COL12A1: variants seen among roughly 807,000 people sequenced by gnomAD.
COL12A1 encodes the protein collagen alpha-1(XII) chain.
Under a neutral mutation model 349.7 loss-of-function variants are expected in COL12A1, and 114 were observed. That is an observed-to-expected ratio of 0.33 (90% CI 0.28 to 0.38). COL12A1 has a LOEUF of 0.38. COL12A1 is among the 10% of genes least tolerant of loss of function. COL12A1 has a pLI of 1.00. For synonymous variants in COL12A1, 1,369 were observed against 1,329.0 expected, an observed-to-expected ratio of 1.03 and a Z score of -0.66; for missense variants, 3,284 against 3,756.9, an observed-to-expected ratio of 0.87 and a Z score of 3.29.
At chr6:75,148,278 T>C (rs1190041477) in intron 22 of COL12A1, 80 bp downstream of exon 22, 14 of 1,420,316 alleles carry the variant, frequency 9.9e-6, no homozygotes, top group Non-Finnish European at 1.1e-5. Context: ...GCCCCTCACC[T>C]AACATTATTC....
In COL12A1 at chr6:75,121,367, T is replaced by C. The variant is rs1417241112; in HGVS notation, c.7021A>G (p.Lys2341Glu). The C allele has an allele frequency of 7.4e-6, 12 of 1,612,138 alleles. No individual in the cohort carries two copies. The highest frequency in any genetic ancestry group is 9.3e-6 in the Non-Finnish European group (11 of 1,178,640). ...GTATTGAAGATGAATTTTACAACTT[T>C]GTTAAAATTATCGTCCCCAATGCTC... ...SWSIGDDNFN[K>E]VVKFIFNTVG... is the part of the protein sequence containing the mutation. Residue 2341 changes from lysine (K) to glutamate (E), a missense_variant, in exon 44 of 66, where the codon AAA (lysine) becomes GAA (glutamate). Physicochemically the swap from Lys to Glu is moderately conservative, Grantham distance 56. This residue lies in a region of COL12A1 where 683 missense variants were observed against 932.1 expected (regional missense o/e 0.73). Transcript: ENST00000322507.
intron 42 of COL12A1, 25 bp from the exon 43 acceptor site, chr6:75,123,429 A>G: frequency 6.6e-7 from 1 of 1,513,676 alleles, no homozygotes; most frequent in Non-Finnish European, 8.9e-7. Flanking sequence ...TAATAATTAT[A>G]AAAACACACC....
chr6:75,147,496 C>G (rs1767257201), intron 23 of COL12A1, among the ~76,000 whole-genome samples, 179 bp downstream of exon 23: 2 of 152,120 alleles, frequency 1.3e-5, no homozygotes, highest in African/African-American at 4.8e-5. Flanking sequence ...GCAGAATCAG[C>G]CAGCAGGAGT....
chr6:75,189,452 C>A (rs1048156937), intron 6 of COL12A1, 71 bp from the exon 7 acceptor site: 1 of 1,573,708 alleles, frequency 6.4e-7, no homozygotes. Flanking sequence ...ACTATGTGAA[C>A]AATGTCAAAA....
chr6:75,185,995 A>G (rs1268320011), intron 8 of COL12A1, among the ~76,000 whole-genome samples: 1 of 152,194 alleles, frequency 6.6e-6, no homozygotes, highest in Non-Finnish European at 1.5e-5. Flanking sequence ...TAAATGTAAG[A>G]CCCAAAACTG....
chr6:75,184,101 T>C lies in COL12A1; in HGVS notation c.1041A>G (p.Ser347=), dbSNP rs779598219. The change falls in exon 9 of 66, where the codon TCA becomes TCG. Residue 347 remains serine (S), a synonymous_variant. Coordinates refer to ENST00000322507, the MANE Select transcript of COL12A1 (RefSeq NM_004370.6). ...GATTCCAATTTAGCTTAACATATTT[T>C]GAAGAGACTTCCATGGCAATCAAAT... The part of the protein sequence containing the change: ...PSNLIAMEVS[S]KYVKLNWNPS... 6.2e-7 allele frequency: 1 copy of C among 1,614,142 alleles called. No individual in the cohort carries two copies. Among genetic ancestry groups the C allele is most frequent in the Non-Finnish European group, 8.5e-7 (1 of 1,180,020 alleles).
chr6:75,172,651 C>G (rs1023960511), intron 13 of COL12A1, among the ~76,000 whole-genome samples: 4 of 152,112 alleles, frequency 2.6e-5, no homozygotes, highest in African/African-American at 9.7e-5. Flanking sequence ...GGATGTTGCC[C>G]CAGATTGTAA....
At chr6:75,196,996 A>G (rs1215351901) in intron 2 of COL12A1, among the ~76,000 whole-genome samples, 2 of 152,218 alleles carry the variant, frequency 1.3e-5, no homozygotes, top group African/African-American at 4.8e-5. Flanking sequence ...TGTGAGAATC[A>G]AAGTAGAAAA....
intron 46 of COL12A1, 106 bp from the exon 47 acceptor site, chr6:75,117,652 T>C: frequency 8.2e-7 from 1 of 1,219,448 alleles, no homozygotes; most frequent in Non-Finnish European, 1.1e-6. Context: ...ATTTTCTTAA[T>C]GTATGCAGCA....
Position 75,130,967 on chromosome 6 carries a change from T to G in COL12A1, c.5952A>C (p.Gly1984=). ...TRPSESIVVP[G]NTRMVHLERL... The stretch of plus-strand genomic sequence containing the variant: ...GCTCCAGATGCACCATGCGCGTGTT[T>G]CCTGGCACTACTATCTGCAGGAGAG... The change falls in exon 36 of 66, where the codon GGA becomes GGC. Residue 1984 remains glycine (G), a synonymous_variant. Transcript: ENST00000322507. 1 of 1,614,142 alleles carries G rather than the reference T, an allele frequency of 6.2e-7. No homozygotes were observed. Among genetic ancestry groups the G allele is most frequent in the East Asian group, 2.2e-5 (1 of 44,876 alleles).
intron 47 of COL12A1, 85 bp from the exon 48 acceptor site, chr6:75,116,142 T>C (rs751037008): frequency 8.0e-6 from 10 of 1,256,458 alleles, no homozygotes; most frequent in Non-Finnish European, 1.0e-5. Flanking sequence ...TGAACGTATT[T>C]CAAGTAATAA....
Position 75,090,068 on chromosome 6 carries a change from A to G in COL12A1, c.8941+42T>C, listed in dbSNP as rs941794829. ...ACCTGTCCCAACTCCTACATTTGCA[A>G]ATTCCTTCCTTTATCCCAATACAGA... On this transcript the variant is annotated intron_variant, in intron 63 of 65. Transcript: ENST00000322507. This position sits in a 1 kb window ranked among gnomAD's most constrained non-coding sequence, Gnocchi z 4.1. The G allele has an allele frequency of 1.9e-5, 31 of 1,603,154 alleles. No homozygotes were observed. The highest frequency in any genetic ancestry group is 2.2e-4 in the Middle Eastern group (1 of 4,476).
At chr6:75,180,804 T>A (rs1249747927) in intron 11 of COL12A1, 135 bp downstream of exon 11, 1 of 1,051,228 alleles carries the variant, frequency 9.5e-7, no homozygotes, top group African/African-American at 1.6e-5. Context: ...TGAAAAGCTG[T>A]CTTTTAAAGA....
chr6:75,166,279 T>C (rs1346883985), intron 13 of COL12A1, among the ~76,000 whole-genome samples: 3 of 152,214 alleles, frequency 2.0e-5, no homozygotes, highest in Non-Finnish European at 2.9e-5. Context: ...CTTACAAAAC[T>C]TAATGCCAAC....
chr6:75,149,778 T>A (rs1378228892), intron 21 of COL12A1, among the ~76,000 whole-genome samples: 1 of 152,230 alleles, frequency 6.6e-6, no homozygotes, highest in East Asian at 1.9e-4. Flanking sequence ...TACAAAATTA[T>A]CAAGCAATTT....
At chr6:75,091,466 G>C in intron 61 of COL12A1, 24 bp downstream of exon 61, 1 of 1,612,594 alleles carries the variant, frequency 6.2e-7, no homozygotes, top group Non-Finnish European at 8.5e-7. Context: ...CAAAATAAAC[G>C]TAAGATTTTT....
At chr6:75,115,635 G>A in intron 49 of COL12A1, 149 bp downstream of exon 49, 1 of 1,001,582 alleles carries the variant, frequency 1.0e-6, no homozygotes, top group Non-Finnish European at 1.5e-6. Flanking sequence ...GAAACAATTA[G>A]CCTAACTGTA....
At chr6:75,093,521 C>T (rs1276350031) in intron 60 of COL12A1, among the ~76,000 whole-genome samples, 1 of 152,070 alleles carries the variant, frequency 6.6e-6, no homozygotes, top group East Asian at 1.9e-4. Flanking sequence ...AGGAAATTTG[C>T]TACTTTTGAA....
intron 24 of COL12A1, among the ~76,000 whole-genome samples, chr6:75,145,851 C>T (rs1021747386): frequency 6.6e-6 from 1 of 152,108 alleles, no homozygotes; most frequent in African/African-American, 2.4e-5. Context: ...GGGCTAGTCT[C>T]GAACTCCTGA....
Sources: allele counts gnomAD v4.1 joint callset (sites outside exome capture counted in the v4.1 genomes callset), GRCh38; gene constraint gnomAD v4.1.1; regional missense constraint gnomAD v4.1.1; non-coding constraint Gnocchi (gnomAD v3.1); transcripts MANE v1.5; gene names NCBI Gene and HGNC (gene_info 2026-07-23, HGNC 2026-07-21).